KIF18A: variants seen among roughly 807,000 people sequenced by gnomAD.
KIF18A encodes kinesin-like protein KIF18A.
In KIF18A, 67 loss-of-function variants were observed where a neutral mutation model predicts 103.3. That is an observed-to-expected ratio of 0.65 (90% CI 0.53 to 0.79). KIF18A has a LOEUF of 0.79. Ranked by LOEUF, KIF18A falls within the 30% of genes least tolerant of loss-of-function variation. The pLI, the probability that KIF18A is intolerant of heterozygous loss-of-function variation, is 0.00. For missense variants in KIF18A, 1,032 were observed against 1,062.5 expected (o/e 0.97, Z 0.40); for synonymous variants, 367 against 355.5 (o/e 1.03, Z -0.36).
At chr11:28,066,830 T>G (rs907591164) in intron 11 of KIF18A, among the ~76,000 whole-genome samples, 1 of 136,090 alleles carries the variant, frequency 7.3e-6, no homozygotes, top group African/African-American at 2.8e-5. Flanking sequence ...TATATTATAT[T>G]ATATGATGCA....
intron 16 of KIF18A, among the ~76,000 whole-genome samples, chr11:28,022,834 A>G (rs2133480130): frequency 6.6e-6 from 1 of 152,308 alleles, no homozygotes; most frequent in South Asian, 2.1e-4. Flanking sequence ...GCAGGCATTT[A>G]CCAATATAGT....
rs58273868 is a variant in KIF18A, at chr11:28,058,662, CAAAAAAAAAAAAAAAAAA to C, written c.1948+246_1948+263del. ...GGGCAACAGGGTGAGACCCTGTCAC[CAAAAAAAAAAAAAAAAAA>C]AAAAAAAAAAAAAAGAAAAGAGTTG... On this transcript the variant is annotated intron_variant, in intron 13 of 16. Transcript: ENST00000263181. Among the ~76,000 whole-genome samples, 10 of 64,436 alleles carry C rather than the reference CAAAAAAAAAAAAAAAAAA, an allele frequency of 1.6e-4. No individual in the cohort carries two copies. In the South Asian group the frequency reaches 5.6e-3, roughly 36 times the overall value. The allele number at this position is 64,436 out of a possible 152,430, so 42.3% of individuals were successfully genotyped here.
chr11:28,028,988 G>A (rs1262574272), intron 15 of KIF18A, among the ~76,000 whole-genome samples: 1 of 152,160 alleles, frequency 6.6e-6, no homozygotes, highest in African/African-American at 2.4e-5. Flanking sequence ...GGACGAAGTT[G>A]AATCTCTGAA....
intron 15 of KIF18A, among the ~76,000 whole-genome samples, chr11:28,032,076 C>A (rs1850417694): frequency 6.7e-6 from 1 of 149,426 alleles, no homozygotes; most frequent in Non-Finnish European, 1.5e-5. Context: ...AAATCAGTAG[C>A]ATATCTATAT....
intron 13 of KIF18A, among the ~76,000 whole-genome samples, chr11:28,058,489 GAAAAAAAAAAAA>G: frequency 1.8e-5 from 1 of 54,248 alleles, no homozygotes; most frequent in Admixed American, 2.4e-4. Context: ...GTTTCTACAG[GAAAAAAAAAAAA>G]AAAAAAAAAA....
chr11:28,034,385 G>A (rs770797762), intron 15 of KIF18A, among the ~76,000 whole-genome samples: 14 of 151,654 alleles, frequency 9.2e-5, no homozygotes, highest in Non-Finnish European at 1.5e-4. Context: ...GTTGGTCTAA[G>A]GTCTGTTTCA....
In KIF18A at chr11:28,082,970, T is replaced by C; in HGVS notation, c.1150-2A>G. On this transcript the variant is annotated splice_acceptor_variant, in intron 8 of 16. Transcript: ENST00000263181. LOFTEE classifies it high-confidence loss of function. ...TAGTTTTTCTTTTAACAATAAAATCTAGTAGAGAGAAATCACTAGTTAAAA... is the reference window on the plus strand; with the variant it reads ...TAGTTTTTCTTTTAACAATAAAATCCAGTAGAGAGAAATCACTAGTTAAAA... 6.5e-7 allele frequency: 1 copy of C among 1,545,462 alleles called. No individual in the cohort carries two copies.
chr11:28,041,492 G>C (rs965968549), intron 13 of KIF18A, among the ~76,000 whole-genome samples: 1 of 151,784 alleles, frequency 6.6e-6, no homozygotes, highest in Non-Finnish European at 1.5e-5. Flanking sequence ...TAGAGGGACA[G>C]GCAGAATAAG....
At chr11:28,034,075 G>C (rs1590664507) in intron 15 of KIF18A, among the ~76,000 whole-genome samples, 2 of 151,790 alleles carry the variant, frequency 1.3e-5, no homozygotes, top group South Asian at 4.1e-4. Flanking sequence ...GATTTATTGA[G>C]TTCTTCATCT....
chr11:28,088,109 T>C (rs1487924923), intron 6 of KIF18A, among the ~76,000 whole-genome samples: 3 of 152,066 alleles, frequency 2.0e-5, no homozygotes, highest in Admixed American at 6.6e-5. Context: ...CACTCTTTAA[T>C]ACTTAACCCT....
intron 2 of KIF18A, 65 bp from the exon 3 acceptor site, chr11:28,094,865 C>T: frequency 1.4e-6 from 2 of 1,396,092 alleles, no homozygotes; most frequent in Admixed American, 3.4e-5. Flanking sequence ...TATCTACTAT[C>T]TAGTGGATAG....
intron 6 of KIF18A, among the ~76,000 whole-genome samples, chr11:28,085,113 A>G (rs532800672): frequency 6.6e-6 from 1 of 152,324 alleles, no homozygotes; most frequent in Admixed American, 6.5e-5. Flanking sequence ...GTATGGGGTC[A>G]GCTGCTGAAG....
rs962853173 is a variant in KIF18A at position 28,084,395 on chromosome 11, T to C, written c.1074+237A>G. ...TAGGGAGAAAGCCACTCAAGTACCA[T>C]AGTACCCAAAAGATCGAATAATAGT... On this transcript the variant is annotated intron_variant, in intron 7 of 16. Coordinates refer to ENST00000263181, the MANE Select transcript of KIF18A (RefSeq NM_031217.4). 8 of 157,410 alleles carry C rather than the reference T, an allele frequency of 5.1e-5. No individual in the cohort carries two copies. The South Asian group carries it at 8.6e-4, about 17-fold the overall frequency. 9.8% of individuals were successfully genotyped at this position (157,410 alleles called of 1,614,324 possible).
intron 3 of KIF18A, 22 bp from the exon 4 acceptor site, chr11:28,091,535 T>C: frequency 7.5e-7 from 1 of 1,340,300 alleles, no homozygotes; most frequent in Non-Finnish European, 1.1e-6. Context: ...AAGAACTGCT[T>C]TAGCATTGAT....
rs561808600 is a variant in KIF18A at position 28,038,282 on chromosome 11, C to A, written c.1949-1618G>T. 3.3e-5 allele frequency among the ~76,000 whole-genome samples: 5 copies of A among 151,448 alleles called. No homozygotes were observed. The South Asian group carries it at 1.0e-3, about 31-fold the overall frequency. ...TAAAAACACAAACATCTGGTAAACA[C>A]CTTTTATTAATGCCCCAAATAATGA... On this transcript the variant is annotated intron_variant, in intron 13 of 16. Transcript: ENST00000263181.
intron 13 of KIF18A, among the ~76,000 whole-genome samples, chr11:28,044,559 T>C (rs1185534809): frequency 6.6e-6 from 1 of 152,128 alleles, no homozygotes; most frequent in Non-Finnish European, 1.5e-5. Context: ...TGGCGAGTGT[T>C]CTATTCATCT....
chr11:28,047,333 C>A (rs1850649497), intron 13 of KIF18A, among the ~76,000 whole-genome samples: 1 of 151,944 alleles, frequency 6.6e-6, no homozygotes, highest in Admixed American at 6.6e-5. Context: ...ATAGCAAAAA[C>A]TGAAAGGCTC....
At chr11:28,106,768 C>T (rs1485129469) in intron 1 of KIF18A, among the ~76,000 whole-genome samples, 1 of 151,954 alleles carries the variant, frequency 6.6e-6, no homozygotes, top group Non-Finnish European at 1.5e-5. Context: ...GTCAGGAGTT[C>T]GAGACCAGCC....
chr11:28,083,681 AC>A (rs1438646994), intron 7 of KIF18A, among the ~76,000 whole-genome samples: 1 of 152,050 alleles, frequency 6.6e-6, no homozygotes, highest in African/African-American at 2.4e-5. Flanking sequence ...TGATATTGAG[AC>A]CTTGCCTACT....
Sources: gnomAD v4.1 joint callset for allele counts (sites outside exome capture counted in the v4.1 genomes callset) on GRCh38, gnomAD v4.1.1 for gene constraint, MANE v1.5 for transcripts, NCBI Gene and HGNC (gene_info 2026-07-23, HGNC 2026-07-21) for gene names.